Variants in CFAP69 observed in about 807,000 individuals in gnomAD.
CFAP69 encodes the protein cilia- and flagella-associated protein 69.
In CFAP69, 92 loss-of-function variants were observed where a neutral mutation model predicts 123.0. The observed-to-expected ratio is 0.75, with a 90% CI of 0.63 to 0.89. The LOEUF is 0.89. CFAP69 is among the 40% of genes least tolerant of loss of function. CFAP69 has a pLI of 0.00. For synonymous variants in CFAP69, 380 were observed against 364.3 expected, an observed-to-expected ratio of 1.04 and a Z score of -0.49; for missense variants, 1,067 against 1,096.9, an observed-to-expected ratio of 0.97 and a Z score of 0.39.
intron 1 of CFAP69, among the ~76,000 whole-genome samples, chr7:90,249,208 C>T (rs771111910): frequency 1.2e-4 from 18 of 152,088 alleles, no homozygotes; most frequent in Admixed American, 2.0e-4. Context: ...TGAGTTCTCA[C>T]GAGATCTGAT....
At chr7:90,294,258 C>T (rs1321869311) in intron 15 of CFAP69, among the ~76,000 whole-genome samples, 1 of 152,144 alleles carries the variant, frequency 6.6e-6, no homozygotes, top group Non-Finnish European at 1.5e-5. Context: ...GATACCTGAT[C>T]TGCATAATTT....
intron 14 of CFAP69, among the ~76,000 whole-genome samples, chr7:90,287,085 GA>G (rs34727700): frequency 0.33 from 34,847 of 107,146 alleles, 4,450 homozygotes; most frequent in Non-Finnish European, 0.34. Flanking sequence ...GACTCCATCT[GA>G]AAAAAAAAAA....
At chr7:90,297,377 G>T (rs1792142290) in intron 15 of CFAP69, among the ~76,000 whole-genome samples, 1 of 152,002 alleles carries the variant, frequency 6.6e-6, no homozygotes, top group Non-Finnish European at 1.5e-5. Context: ...CAGTTGGTTG[G>T]GGGGCTTAGA....
chr7:90,302,201 A>T (rs6465257), intron 17 of CFAP69: 1 of 151,880 alleles, frequency 6.6e-6, no homozygotes, highest in Admixed American at 6.6e-5. Context: ...GTTTAAGTTC[A>T]TTATAGATGC....
chr7:90,279,961 G>A, intron 12 of CFAP69, 68 bp downstream of exon 12: 2 of 1,166,254 alleles, frequency 1.7e-6, no homozygotes, highest in African/African-American at 1.6e-5. Flanking sequence ...CTCAGTATAT[G>A]CATAGAAATA....
Position 90,309,331 on chromosome 7 carries a change from AT to A in CFAP69, c.2622del (p.His875ThrfsTer17). The stretch of plus-strand genomic sequence containing the variant: ...ACCATAAACGACCACAAAATGCAAT[AT>A]TTCACCAAACACATATTAAAGGCCT... Reference protein sequence around the residue: ...RYHKRPQNAIFHQTHIKGLNT... With the variant: ...RYHKRPQNAIXHQTHIKGLNT... On this transcript the variant is annotated frameshift_variant, in exon 22 of 23. Transcript: ENST00000389297. LOFTEE classifies it high-confidence loss of function. The A allele has an allele frequency of 6.3e-7, 1 of 1,589,630 alleles. No homozygotes were observed. The highest frequency in any genetic ancestry group is 1.2e-5 in the South Asian group (1 of 85,988).
intron 1 of CFAP69, among the ~76,000 whole-genome samples, chr7:90,247,966 T>C (rs1796535673): frequency 6.6e-6 from 1 of 152,242 alleles, no homozygotes; most frequent in African/African-American, 2.4e-5. Context: ...AACATCATCA[T>C]TGTCATTGTC....
chr7:90,273,973 A>G lies in CFAP69; in HGVS notation c.861-14A>G, dbSNP rs937739000. The G allele has an allele frequency of 3.2e-6, 5 of 1,560,290 alleles. No individual in the cohort carries two copies. Among genetic ancestry groups the G allele is most frequent in the African/African-American group, 1.4e-5 (1 of 71,658 alleles). On this transcript the variant is annotated splice_polypyrimidine_tract_variant and intron_variant, in intron 8 of 22. Transcript: ENST00000389297. Reference sequence around the variant, plus strand: ...ATAACAATATAGTTTTTAAAATATGATTTTACTTTCTAGGGCTTTGAAGGA... The same window carrying G: ...ATAACAATATAGTTTTTAAAATATGGTTTTACTTTCTAGGGCTTTGAAGGA...
At chr7:90,287,817 T>C (rs971954812) in intron 14 of CFAP69, 38 of 864,694 alleles carry the variant, frequency 4.4e-5, no homozygotes, top group African/African-American at 7.3e-5. Flanking sequence ...TTTAACTACA[T>C]TTATATCTTA....
intron 17 of CFAP69, chr7:90,300,523 CTAAA>C: frequency 1.5e-6 from 1 of 680,916 alleles, no homozygotes. Flanking sequence ...ATATTGTTTC[CTAAA>C]TAAAAATAGT....
At chr7:90,315,861 G>A (rs977843295), downstream of CFAP69, among the ~76,000 whole-genome samples, 13 of 152,212 alleles carry the variant, frequency 8.5e-5, no homozygotes, top group African/African-American at 2.7e-4. Context: ...GGGAGGCAGA[G>A]GCAGGTGGAT....
At chr7:90,288,097 C>A in intron 14 of CFAP69, 137 bp from the exon 15 acceptor site, 1 of 586,228 alleles carries the variant, frequency 1.7e-6, no homozygotes, top group Non-Finnish European at 2.8e-6. Flanking sequence ...TTTTAAATTG[C>A]AGTAAAAATA....
chr7:90,285,600 A>G lies in CFAP69; in HGVS notation c.1538-681A>G, dbSNP rs571599477. On this transcript the variant is annotated intron_variant, in intron 13 of 22. Coordinates refer to ENST00000389297, the MANE Select transcript of CFAP69 (RefSeq NM_001039706.3). ...TTAAAACACCTTCAGTTAGACATCAAGGAAAGATGCAGAAAGCAATAACAG... is the reference window on the plus strand; with the variant it reads ...TTAAAACACCTTCAGTTAGACATCAGGGAAAGATGCAGAAAGCAATAACAG... Among the ~76,000 whole-genome samples the G allele has an allele frequency of 5.3e-5, 8 of 152,320 alleles. 1 individual carries two copies. The highest frequency in any genetic ancestry group is 1.7e-4 in the African/African-American group (7 of 41,576).
rs572775309 is a variant in CFAP69, at chr7:90,262,066, C to T, written c.356+10C>T. 4.1e-6 allele frequency: 6 copies of T among 1,454,294 alleles called. No homozygotes were observed. The African/African-American group carries it at 5.7e-5, about 14-fold the overall frequency. 90.1% of individuals were successfully genotyped at this position (1,454,294 alleles called of 1,614,324 possible). A position where few individuals can be genotyped will look rare whatever the true frequency, so the allele number is the denominator to read the frequency against. Reference sequence around the variant, plus strand: ...TCATAAAACTGTGTGGGTAAGTTATCTTTCTTTAACTTTATTTTGTAGTAA... The same window carrying T: ...TCATAAAACTGTGTGGGTAAGTTATTTTTCTTTAACTTTATTTTGTAGTAA... On this transcript the variant is annotated intron_variant, in intron 4 of 22. Coordinates refer to ENST00000389297, the MANE Select transcript of CFAP69 (RefSeq NM_001039706.3).
At position 90,307,057 on chromosome 7, in the gene CFAP69, G is replaced by A. The variant is rs556455783; in HGVS notation, c.2422G>A (p.Ala808Thr). 58 of 1,612,802 alleles carry A rather than the reference G, an allele frequency of 3.6e-5. No homozygotes were observed. In the East Asian group the frequency reaches 1.3e-3, roughly 35 times the overall value. Reference protein sequence around the residue: ...SLQSDIIESQACQDMQNEQKV... With the variant: ...SLQSDIIESQTCQDMQNEQKV... ...GCAAAGTGATATAATTGAAAGCCAA[G>A]CATGCCAAGACATGCAAAATGAACA... Residue 808 changes from alanine (A) to threonine (T), a missense_variant, in exon 20 of 23, where the codon GCA becomes ACA. Coordinates refer to ENST00000389297, the MANE Select transcript of CFAP69 (RefSeq NM_001039706.3).
At chr7:90,298,888 T>C (rs1792374287) in intron 16 of CFAP69, among the ~76,000 whole-genome samples, 1 of 152,172 alleles carries the variant, frequency 6.6e-6, no homozygotes, top group Non-Finnish European at 1.5e-5. Context: ...TTTATATCAA[T>C]TTCAATCTTT....
At chr7:90,292,750 A>C (rs922297077) in intron 15 of CFAP69, among the ~76,000 whole-genome samples, 12 of 152,220 alleles carry the variant, frequency 7.9e-5, no homozygotes, top group African/African-American at 2.9e-4. Flanking sequence ...CAAGTTAAAA[A>C]AGATGATTTT....
intron 4 of CFAP69, among the ~76,000 whole-genome samples, chr7:90,264,507 G>T (rs915467668): frequency 1.1e-4 from 16 of 151,950 alleles, no homozygotes; most frequent in African/African-American, 3.1e-4. Context: ...TATCGATTTT[G>T]CCTAGAGTTT....
At chr7:90,262,922 A>G (rs1457952905) in intron 4 of CFAP69, among the ~76,000 whole-genome samples, 1 of 152,158 alleles carries the variant, frequency 6.6e-6, no homozygotes, top group Non-Finnish European at 1.5e-5. Flanking sequence ...TAAAATAACC[A>G]AAATAATATA....
Sources: allele counts gnomAD v4.1 joint callset (sites outside exome capture counted in the v4.1 genomes callset), GRCh38; gene constraint gnomAD v4.1.1; transcripts MANE v1.5; gene names NCBI Gene and HGNC (gene_info 2026-07-23, HGNC 2026-07-21).